The following TENM3 variants were observed in gnomAD, a reference collection of about 807,000 sequenced individuals.
The protein encoded by TENM3 is teneurin transmembrane protein 3.
In TENM3, 63 loss-of-function variants were observed where a neutral mutation model predicts 255.1. That is an observed-to-expected ratio of 0.25 (90% CI 0.20 to 0.30). The LOEUF (loss-of-function observed/expected upper bound fraction) is 0.30, where lower values mean the gene tolerates loss of function less well. TENM3 is among the 10% of genes least tolerant of loss of function. The pLI is 1.00. For missense variants in TENM3, 2,929 were observed against 3,461.1 expected (o/e 0.85, Z 3.86); for synonymous variants, 1,306 against 1,322.3 (o/e 0.99, Z 0.27).
the TENM3 span, among the ~76,000 whole-genome samples, chr4:181,449,224 G>T: frequency 6.6e-6 from 1 of 152,056 alleles, no homozygotes; most frequent in Non-Finnish European, 1.5e-5. Flanking sequence ...GAATGATTTG[G>T]CAAATCAAGA....
At chr4:181,671,095 G>C in the TENM3 span, among the ~76,000 whole-genome samples, 1 of 152,122 alleles carries the variant, frequency 6.6e-6, no homozygotes, top group African/African-American at 2.4e-5. Context: ...TGTTCCCCGT[G>C]AAAGTAAACG....
the TENM3 span, among the ~76,000 whole-genome samples, chr4:181,724,238 T>G: frequency 6.6e-6 from 1 of 152,344 alleles, no homozygotes; most frequent in East Asian, 1.9e-4. Flanking sequence ...ATGTTGCATC[T>G]TCTGTCAACA....
chr4:182,686,255 A>G lies in TENM3; in HGVS notation c.2036-1911A>G, dbSNP rs189746842. Among the ~76,000 whole-genome samples, 264 of 152,204 alleles carry G rather than the reference A, an allele frequency of 1.7e-3. 2 individuals are homozygous for G. Among genetic ancestry groups the G allele is most frequent in the African/African-American group, 5.7e-3 (237 of 41,568 alleles). Reference sequence around the variant, plus strand: ...GAAAAAATCTTTATGAAACTTTGCTATTAGCCACAAAAAGACAGAAAACTT... The same window carrying G: ...GAAAAAATCTTTATGAAACTTTGCTGTTAGCCACAAAAAGACAGAAAACTT... On this transcript the variant is annotated intron_variant, in intron 11 of 27. Coordinates refer to ENST00000511685, the MANE Select transcript of TENM3 (RefSeq NM_001080477.4).
At chr4:181,619,761 G>C in the TENM3 span, among the ~76,000 whole-genome samples, 1 of 152,088 alleles carries the variant, frequency 6.6e-6, no homozygotes, top group Non-Finnish European at 1.5e-5. Context: ...CAATGCGCAT[G>C]TCAACCTGCA....
chr4:181,668,158 T>C, the TENM3 span, among the ~76,000 whole-genome samples: 281 of 152,312 alleles, frequency 1.8e-3, no homozygotes, highest in African/African-American at 5.9e-3. Context: ...GATGAATATA[T>C]GAATATGAAT....
upstream of TENM3, chr4:182,141,700 A>C (rs1418812836): frequency 1.3e-5 from 2 of 152,238 alleles, no homozygotes; most frequent in African/African-American, 4.8e-5. Context: ...AAAACTTTGA[A>C]TCTCATGTAA....
chr4:181,844,139 G>A, the TENM3 span, among the ~76,000 whole-genome samples: 2 of 152,040 alleles, frequency 1.3e-5, no homozygotes, highest in Non-Finnish European at 2.9e-5. Flanking sequence ...CACTGCCATG[G>A]TAACTAACCG....
At chr4:181,691,118 ATTAT>A in the TENM3 span, among the ~76,000 whole-genome samples, 3 of 152,150 alleles carry the variant, frequency 2.0e-5, no homozygotes, top group Non-Finnish European at 4.4e-5. Context: ...TAGCAGAAAA[ATTAT>A]TTTAGTTTAA....
chr4:181,888,494 G>GTATATATATGTATATATATATATATA, the TENM3 span, among the ~76,000 whole-genome samples: 24 of 28,212 alleles, frequency 8.5e-4, 1 homozygote, highest in East Asian at 3.2e-3. Flanking sequence ...ATAGAAATGT[G>GTATATATATGTATATATATATATATA]TATATATATA....
the TENM3 span, among the ~76,000 whole-genome samples, chr4:181,703,582 G>A: frequency 2.0e-5 from 3 of 152,144 alleles, no homozygotes; most frequent in African/African-American, 7.2e-5. Context: ...CTTGATCAGG[G>A]TCACTGTGTT....
chr4:181,853,779 A>T, the TENM3 span, among the ~76,000 whole-genome samples: 1 of 152,232 alleles, frequency 6.6e-6, no homozygotes, highest in Non-Finnish European at 1.5e-5. Flanking sequence ...GAGGGTTAAG[A>T]GGAGGTGCTT....
At chr4:182,588,779 G>A (rs560710305) in intron 3 of TENM3, among the ~76,000 whole-genome samples, 4 of 152,268 alleles carry the variant, frequency 2.6e-5, no homozygotes, top group Admixed American at 2.0e-4. Context: ...AATTTCATAG[G>A]AAAAATGTGT....
Position 182,549,211 on chromosome 4 carries a change from G to A in TENM3, c.512-51713G>A, listed in dbSNP as rs556193292. Among the ~76,000 whole-genome samples, 9 of 152,246 alleles carry A rather than the reference G, an allele frequency of 5.9e-5. No homozygotes were observed. In the East Asian group the frequency reaches 1.2e-3, roughly 20 times the overall value. ...TTGTGTGCATGCTGGTAGATGTTAC[G>A]GTCAAGTAAAATGTCAGCACAGTAA... On this transcript the variant is annotated intron_variant, in intron 3 of 27. Transcript: ENST00000511685.
At chr4:181,596,916 C>T in the TENM3 span, among the ~76,000 whole-genome samples, 2 of 151,928 alleles carry the variant, frequency 1.3e-5, no homozygotes, top group African/African-American at 4.8e-5. Context: ...GAGCAACATA[C>T]ACTGGGGCCT....
At chr4:181,787,962 T>G in the TENM3 span, among the ~76,000 whole-genome samples, 2 of 152,114 alleles carry the variant, frequency 1.3e-5, no homozygotes, top group Non-Finnish European at 2.9e-5. Flanking sequence ...ACCACTATAC[T>G]CCACAGAGTG....
chr4:182,724,589 A>G (rs77037666), intron 13 of TENM3, among the ~76,000 whole-genome samples: 2,344 of 152,350 alleles, frequency 0.015, 33 homozygotes, highest in Non-Finnish European at 0.024. Context: ...TGTCAATCTC[A>G]TGCAGTTTTA....
chr4:181,741,206 A>G, the TENM3 span, among the ~76,000 whole-genome samples: 1 of 152,192 alleles, frequency 6.6e-6, no homozygotes, highest in East Asian at 1.9e-4. Flanking sequence ...TTAAAAAGTT[A>G]TTTAGGTGCA....
intron 27 of TENM3, among the ~76,000 whole-genome samples, chr4:182,798,175 T>C (rs1766634052): frequency 6.6e-6 from 1 of 152,094 alleles, no homozygotes; most frequent in East Asian, 1.9e-4. Flanking sequence ...ACCCAGCTAA[T>C]TTTTTATTTT....
In TENM3 at chr4:182,324,044, T is replaced by A; in HGVS notation, c.24T>A (p.Pro8=). The change falls in exon 2 of 28, where the codon CCT becomes CCA. Residue 8 remains proline, a synonymous_variant. Coordinates refer to ENST00000511685, the MANE Select transcript of TENM3 (RefSeq NM_001080477.4). MDVKERR[P]YCSLTKSRRE... is the part of the protein sequence containing the mutation. ...GTATGGATGTGAAAGAACGCAGGCC[T>A]TACTGCTCCCTGACCAAGAGCAGAC... 1.2e-6 allele frequency: 2 copies of A among 1,613,940 alleles called. No individual in the cohort carries two copies. The highest frequency in any genetic ancestry group is 1.7e-6 in the Non-Finnish European group (2 of 1,179,870).
Sources: gnomAD v4.1 joint callset for allele counts (sites outside exome capture counted in the v4.1 genomes callset) on GRCh38, gnomAD v4.1.1 for gene constraint, MANE v1.5 for transcripts, NCBI Gene and HGNC (gene_info 2026-07-23, HGNC 2026-07-21) for gene names.